Variants in MDGA2 observed in about 807,000 individuals in gnomAD.
MDGA2 encodes MAM domain containing glycosylphosphatidylinositol anchor 2.
A neutral mutation model predicts 117.8 loss-of-function variants in MDGA2; 40 were observed. The ratio of observed to expected loss-of-function variants is 0.34; its 90% CI spans 0.26 to 0.44. The LOEUF (loss-of-function observed/expected upper bound fraction) is 0.44. MDGA2 is among the 20% of genes least tolerant of loss of function. The pLI is 1.00. For missense variants in MDGA2, 1,123 were observed against 1,250.6 expected (o/e 0.90, Z 1.54); for synonymous variants, 452 against 439.0 (o/e 1.03, Z -0.37).
At chr14:47,381,815 C>G (rs1891635411) in intron 1 of MDGA2, among the ~76,000 whole-genome samples, 4 of 152,130 alleles carry the variant, frequency 2.6e-5, no homozygotes. Flanking sequence ...CAATGCCATC[C>G]CCGTCAAGCT....
chr14:47,092,561 G>A (rs994962439), intron 6 of MDGA2, among the ~76,000 whole-genome samples: 5 of 152,114 alleles, frequency 3.3e-5, no homozygotes, highest in Admixed American at 2.0e-4. Flanking sequence ...GTGGAGAAAG[G>A]AGAACCTGTC....
intron 1 of MDGA2, among the ~76,000 whole-genome samples, chr14:47,528,909 T>C (rs953017917): frequency 4.6e-5 from 7 of 152,038 alleles, no homozygotes; most frequent in Non-Finnish European, 1.0e-4. Context: ...GTACAAACTA[T>C]ATATATTCCA....
chr14:47,540,835 G>A (rs1275740758), intron 1 of MDGA2, among the ~76,000 whole-genome samples: 1 of 151,868 alleles, frequency 6.6e-6, no homozygotes, highest in Non-Finnish European at 1.5e-5. Flanking sequence ...AAAGTGCAAG[G>A]ATTACAGGTA....
chr14:46,936,181 C>A (rs570716495), intron 9 of MDGA2, among the ~76,000 whole-genome samples: 1 of 151,840 alleles, frequency 6.6e-6, no homozygotes, highest in Non-Finnish European at 1.5e-5. Flanking sequence ...ATCACTTGAG[C>A]TCCTGTTCAT....
chr14:47,167,353 G>A (rs959629735), intron 3 of MDGA2, among the ~76,000 whole-genome samples: 1 of 152,140 alleles, frequency 6.6e-6, no homozygotes. Context: ...TTTAAGGCAA[G>A]ATACTTAACC....
intron 1 of MDGA2, among the ~76,000 whole-genome samples, chr14:47,556,291 T>C (rs559847733): frequency 3.9e-5 from 6 of 152,286 alleles, no homozygotes; most frequent in African/African-American, 1.4e-4. Context: ...CTATCCCAAC[T>C]ATCAGAACCT....
intron 1 of MDGA2, among the ~76,000 whole-genome samples, chr14:47,664,769 T>C (rs998006319): frequency 6.6e-6 from 1 of 152,246 alleles, no homozygotes; most frequent in Non-Finnish European, 1.5e-5. Context: ...GGACCCATAG[T>C]TGCTGCTGCT....
rs908160324 is a variant in MDGA2, at chr14:47,670,971, T to C, written c.280+3546A>G. ...TTAAAATTGCCTTGGTTAGTCCATA[T>C]GATTTTTTTGTGCTATTCTATTATG... is the stretch of plus-strand genomic sequence containing the variant. On this transcript the variant is annotated intron_variant, in intron 1 of 16. Coordinates refer to ENST00000399232, the MANE Select transcript of MDGA2 (RefSeq NM_001113498.3). Among the ~76,000 whole-genome samples the C allele has an allele frequency of 2.0e-5, 3 of 152,186 alleles. No individual in the cohort carries two copies. The South Asian group carries it at 6.2e-4, about 31-fold the overall frequency.
intron 1 of MDGA2, among the ~76,000 whole-genome samples, chr14:47,447,096 A>C (rs1208926384): frequency 1.3e-5 from 2 of 152,116 alleles, no homozygotes; most frequent in East Asian, 3.9e-4. Flanking sequence ...ATATTTTCCT[A>C]TTACTTCTTG....
At chr14:47,602,121 T>A (rs566249572) in intron 1 of MDGA2, among the ~76,000 whole-genome samples, 2 of 152,310 alleles carry the variant, frequency 1.3e-5, no homozygotes, top group African/African-American at 4.8e-5. Flanking sequence ...TTTTGAATGC[T>A]AACAAACTAT....
At chr14:46,991,019 CAAT>C (rs1887074604) in intron 8 of MDGA2, among the ~76,000 whole-genome samples, 1 of 151,986 alleles carries the variant, frequency 6.6e-6, no homozygotes, top group African/African-American at 2.4e-5. Context: ...GCTTTATCCT[CAAT>C]GATTTTGTCT....
intron 7 of MDGA2, among the ~76,000 whole-genome samples, chr14:47,042,317 T>G (rs1315221121): frequency 6.0e-5 from 6 of 99,240 alleles, no homozygotes; most frequent in South Asian, 3.2e-4. Flanking sequence ...TCTATGTTTT[T>G]TTTTTTTTTT....
chr14:47,536,604 C>A (rs10132706), intron 1 of MDGA2, among the ~76,000 whole-genome samples: 15,735 of 152,212 alleles, frequency 0.1, 912 homozygotes, highest in Middle Eastern at 0.15. Context: ...TATATTTATA[C>A]CGTTGTAAGA....
intron 10 of MDGA2, among the ~76,000 whole-genome samples, chr14:46,892,311 C>T (rs1471556102): frequency 1.3e-5 from 2 of 151,356 alleles, no homozygotes; most frequent in East Asian, 3.9e-4. Flanking sequence ...TATCCACATG[C>T]AAAAGAATGA....
At chr14:47,335,051 C>A (rs1259617055) in intron 1 of MDGA2, among the ~76,000 whole-genome samples, 1 of 151,798 alleles carries the variant, frequency 6.6e-6, no homozygotes, top group Non-Finnish European at 1.5e-5. Flanking sequence ...CAACAGCATG[C>A]ACTTTATGTA....
At chr14:47,042,191 AC>A (rs1344133259) in intron 7 of MDGA2, among the ~76,000 whole-genome samples, 1 of 152,106 alleles carries the variant, frequency 6.6e-6, no homozygotes, top group African/African-American at 2.4e-5. Context: ...TATGAAAGTT[AC>A]CCTTAGAGAA....
chr14:47,127,314 G>C (rs538909712), intron 5 of MDGA2, among the ~76,000 whole-genome samples: 1 of 151,980 alleles, frequency 6.6e-6, no homozygotes, highest in African/African-American at 2.4e-5. Flanking sequence ...GAAATATCTC[G>C]CATGCAATTA....
chr14:47,323,738 T>A (rs1890057993), intron 1 of MDGA2, among the ~76,000 whole-genome samples: 1 of 151,882 alleles, frequency 6.6e-6, no homozygotes, highest in Non-Finnish European at 1.5e-5. Context: ...ACGTCTTCAG[T>A]TAGAATTAGT....
At chr14:47,405,094 T>C (rs1184211223) in intron 1 of MDGA2, among the ~76,000 whole-genome samples, 5 of 152,214 alleles carry the variant, frequency 3.3e-5, no homozygotes, top group East Asian at 3.9e-4. Context: ...TTTTCTTCTA[T>C]GTATTTCTTG....
Sources: allele counts gnomAD v4.1 joint callset (sites outside exome capture counted in the v4.1 genomes callset), GRCh38; gene constraint gnomAD v4.1.1; transcripts MANE v1.5; gene names NCBI Gene and HGNC (gene_info 2026-07-23, HGNC 2026-07-21).